Variants in GPC5 observed in about 807,000 individuals in gnomAD.
The protein encoded by GPC5 is glypican 5.
A neutral mutation model predicts 53.9 loss-of-function variants in GPC5; 47 were observed. The observed-to-expected ratio is 0.87, with a 90% CI of 0.69 to 1.11. GPC5 has a LOEUF of 1.11. GPC5 is among the 50% of genes most tolerant of loss of function. GPC5 has a pLI of 0.00. For missense variants in GPC5, 748 were observed against 713.1 expected (o/e 1.05, Z -0.56); for synonymous variants, 286 against 263.3 (o/e 1.09, Z -0.84).
intron 4 of GPC5, among the ~76,000 whole-genome samples, chr13:91,747,715 A>G (rs2037082654): frequency 6.6e-6 from 1 of 151,916 alleles, no homozygotes; most frequent in Non-Finnish European, 1.5e-5. Context: ...AAATGTTTGG[A>G]AACAGGTGGA....
intron 6 of GPC5, among the ~76,000 whole-genome samples, chr13:92,071,951 TTG>T (rs1404232232): frequency 6.8e-6 from 1 of 146,418 alleles, no homozygotes; most frequent in Non-Finnish European, 1.5e-5. Flanking sequence ...GTGTATATTA[TTG>T]TACATGTAAA....
At chr13:91,842,121 C>T (rs560617709) in intron 5 of GPC5, among the ~76,000 whole-genome samples, 1 of 151,860 alleles carries the variant, frequency 6.6e-6, no homozygotes, top group Non-Finnish European at 1.5e-5. Flanking sequence ...CCATGTTCTA[C>T]CATTCAAGAA....
chr13:91,991,514 A>C (rs1594710248), intron 6 of GPC5, among the ~76,000 whole-genome samples: 1 of 152,162 alleles, frequency 6.6e-6, no homozygotes, highest in Non-Finnish European at 1.5e-5. Flanking sequence ...ATATTTTCAT[A>C]AAGTGCAAAG....
intron 2 of GPC5, among the ~76,000 whole-genome samples, chr13:91,548,018 T>G (rs2030397603): frequency 6.6e-6 from 1 of 152,138 alleles, no homozygotes. Context: ...TCATACTTAA[T>G]GAAGAGAAAC....
chr13:92,025,117 T>C (rs2040790117), intron 6 of GPC5, among the ~76,000 whole-genome samples: 1 of 152,126 alleles, frequency 6.6e-6, no homozygotes. Flanking sequence ...TCTTTTTGTT[T>C]CTTTTTTTCT....
chr13:91,450,288 A>T (rs1881093331), intron 2 of GPC5, among the ~76,000 whole-genome samples: 1 of 152,172 alleles, frequency 6.6e-6, no homozygotes, highest in South Asian at 2.1e-4. Flanking sequence ...AAGATTTGTG[A>T]TTTAGCTGAG....
At chr13:92,482,231 T>C (rs1000407207) in intron 7 of GPC5, among the ~76,000 whole-genome samples, 2 of 152,206 alleles carry the variant, frequency 1.3e-5, no homozygotes, top group African/African-American at 2.4e-5. Flanking sequence ...CTTTCAAAAA[T>C]ACATTTCAAA....
Position 91,863,231 on chromosome 13 carries a change from A to G in GPC5, c.1281-44706A>G, listed in dbSNP as rs150806423. On this transcript the variant is annotated intron_variant, in intron 5 of 7. Coordinates refer to ENST00000377067, the MANE Select transcript of GPC5 (RefSeq NM_004466.6). The stretch of plus-strand genomic sequence containing the variant: ...TTCATTGCATCCTATCAGGTGGTAC[A>G]TAATTTCAATGTGTCTCATTACTGA... Among the ~76,000 whole-genome samples, 634 of 152,292 alleles carry G rather than the reference A, an allele frequency of 4.2e-3. 8 individuals carry two copies. The highest frequency in any genetic ancestry group is 0.014 in the African/African-American group (602 of 41,580).
intron 6 of GPC5, among the ~76,000 whole-genome samples, chr13:92,027,374 A>AT (rs919728227): frequency 2.0e-5 from 3 of 152,088 alleles, no homozygotes; most frequent in Admixed American, 1.3e-4. Context: ...AACAAAACCA[A>AT]TTTTTTTCTC....
intron 7 of GPC5, among the ~76,000 whole-genome samples, chr13:92,481,875 A>C (rs369489520): frequency 6.6e-6 from 1 of 152,012 alleles, no homozygotes; most frequent in African/African-American, 2.4e-5. Flanking sequence ...ACACCTGTAA[A>C]CCCAGCACTT....
At chr13:92,075,381 A>G (rs761891130) in intron 6 of GPC5, among the ~76,000 whole-genome samples, 7 of 152,192 alleles carry the variant, frequency 4.6e-5, no homozygotes, top group Non-Finnish European at 1.0e-4. Flanking sequence ...GAAGTTCATG[A>G]CACTTGATAA....
intron 2 of GPC5, among the ~76,000 whole-genome samples, chr13:91,556,651 C>A (rs949362822): frequency 6.6e-6 from 1 of 151,196 alleles, no homozygotes; most frequent in African/African-American, 2.4e-5. Context: ...TAAAAAGGAA[C>A]AAAATGATGG....
chr13:91,577,158 T>C (rs916412057), intron 2 of GPC5, among the ~76,000 whole-genome samples: 3 of 152,202 alleles, frequency 2.0e-5, no homozygotes, highest in Admixed American at 1.3e-4. Context: ...CTGCCATAAA[T>C]TGACTGAAGG....
chr13:91,864,568 T>C (rs1374290723), intron 5 of GPC5, among the ~76,000 whole-genome samples: 2 of 152,184 alleles, frequency 1.3e-5, no homozygotes, highest in African/African-American at 4.8e-5. Context: ...CAGTTATCTT[T>C]AGAAAAATAA....
intron 7 of GPC5, among the ~76,000 whole-genome samples, chr13:92,581,158 A>C (rs1176416978): frequency 1.3e-5 from 2 of 152,152 alleles, no homozygotes; most frequent in Non-Finnish European, 2.9e-5. Flanking sequence ...GGCATATAAC[A>C]GAGCTCTTGA....
intron 6 of GPC5, among the ~76,000 whole-genome samples, chr13:92,070,475 T>C (rs1266998039): frequency 2.6e-5 from 4 of 152,226 alleles, no homozygotes; most frequent in Non-Finnish European, 5.9e-5. Flanking sequence ...AAATGTTCTA[T>C]TAAATGAGGT....
At chr13:92,266,291 A>T (rs2042802059) in intron 7 of GPC5, among the ~76,000 whole-genome samples, 1 of 152,018 alleles carries the variant, frequency 6.6e-6, no homozygotes, top group South Asian at 2.1e-4. Context: ...AGTTCACTTT[A>T]TTTCTTAGAT....
intron 7 of GPC5, among the ~76,000 whole-genome samples, chr13:92,496,465 A>T (rs749743618): frequency 5.3e-5 from 8 of 152,174 alleles, no homozygotes; most frequent in Admixed American, 2.0e-4. Flanking sequence ...TGCAAGGTAA[A>T]TCAGGACCTA....
intron 7 of GPC5, among the ~76,000 whole-genome samples, chr13:92,310,317 C>T (rs983786799): frequency 6.6e-6 from 1 of 151,970 alleles, no homozygotes; most frequent in Non-Finnish European, 1.5e-5. Flanking sequence ...TAATTTTCTC[C>T]TGTTATATTC....
Sources: allele counts gnomAD v4.1 joint callset (sites outside exome capture counted in the v4.1 genomes callset), GRCh38; gene constraint gnomAD v4.1.1; transcripts MANE v1.5; gene names NCBI Gene and HGNC (gene_info 2026-07-23, HGNC 2026-07-21).